TRPC4: variants seen among roughly 807,000 people sequenced by gnomAD.
The protein encoded by TRPC4 is transient receptor potential cation channel subfamily C member 4.
Under a neutral mutation model 99.4 loss-of-function variants are expected in TRPC4, and 49 were observed. The ratio of observed to expected loss-of-function variants is 0.49; its 90% CI spans 0.39 to 0.63. The LOEUF (loss-of-function observed/expected upper bound fraction) is 0.63. Ranked by LOEUF, TRPC4 falls within the 20% of genes least tolerant of loss-of-function variation. The pLI, the probability that TRPC4 is intolerant of heterozygous loss-of-function variation, is 0.00. For synonymous variants in TRPC4, 454 were observed against 425.9 expected, an observed-to-expected ratio of 1.07 and a Z score of -0.81; for missense variants, 898 against 1,152.9, an observed-to-expected ratio of 0.78 and a Z score of 3.20.
intron 1 of TRPC4, among the ~76,000 whole-genome samples, chr13:37,799,229 C>T (rs538051307): frequency 1.6e-4 from 25 of 152,232 alleles, no homozygotes; most frequent in East Asian, 1.2e-3. Context: ...CCACTGCGCC[C>T]GGCCTAAAGG....
intron 1 of TRPC4, among the ~76,000 whole-genome samples, chr13:37,805,468 C>T (rs1196623390): frequency 4.0e-5 from 6 of 151,730 alleles, no homozygotes; most frequent in Non-Finnish European, 1.5e-5. Flanking sequence ...TTTTCTTTTC[C>T]ATGATATAAG....
At chr13:37,854,060 A>G (rs1026127559) in intron 1 of TRPC4, among the ~76,000 whole-genome samples, 1 of 152,146 alleles carries the variant, frequency 6.6e-6, no homozygotes, top group Non-Finnish European at 1.5e-5. Context: ...GAAAGATATC[A>G]ACATTCAAGT....
intron 1 of TRPC4, among the ~76,000 whole-genome samples, chr13:37,837,418 C>T (rs1958596103): frequency 6.6e-6 from 1 of 152,232 alleles, no homozygotes; most frequent in African/African-American, 2.4e-5. Flanking sequence ...CCTGCAAAGG[C>T]TTGGCTGCCC....
chr13:37,701,794 C>A (rs1954109799), intron 3 of TRPC4, among the ~76,000 whole-genome samples: 1 of 152,146 alleles, frequency 6.6e-6, no homozygotes, highest in Non-Finnish European at 1.5e-5. Context: ...TATTTTCTGA[C>A]CCAAGGTACT....
intron 5 of TRPC4, among the ~76,000 whole-genome samples, chr13:37,670,596 T>C (rs9548009): frequency 0.037 from 5,701 of 152,320 alleles, 159 homozygotes; most frequent in Admixed American, 0.062. Context: ...TTCCAGATGT[T>C]ACTACCTAAA....
chr13:37,720,496 C>T (rs973268389), intron 3 of TRPC4, among the ~76,000 whole-genome samples: 1 of 151,940 alleles, frequency 6.6e-6, no homozygotes, highest in African/African-American at 2.4e-5. Flanking sequence ...ATCATTTTTT[C>T]TGCGTTCTGA....
chr13:37,705,646 CTT>C (rs1368646000), intron 3 of TRPC4, among the ~76,000 whole-genome samples: 1 of 152,070 alleles, frequency 6.6e-6, no homozygotes, highest in Non-Finnish European at 1.5e-5. Flanking sequence ...TCAAATCAGT[CTT>C]TGAGTTCCTC....
At chr13:37,695,680 G>T (rs374780918) in intron 3 of TRPC4, among the ~76,000 whole-genome samples, 18 of 152,278 alleles carry the variant, frequency 1.2e-4, no homozygotes, top group African/African-American at 4.3e-4. Context: ...CAATTTTAAA[G>T]ATGTCCCATC....
intron 1 of TRPC4, among the ~76,000 whole-genome samples, chr13:37,822,982 A>G: frequency 6.8e-6 from 1 of 148,070 alleles, no homozygotes; most frequent in African/African-American, 2.5e-5. Context: ...GTGAGATGGT[A>G]TCTCATTGTG....
chr13:37,774,719 A>T (rs1408622772), intron 2 of TRPC4, among the ~76,000 whole-genome samples: 1 of 151,602 alleles, frequency 6.6e-6, no homozygotes, highest in South Asian at 2.1e-4. Flanking sequence ...GAACATTTAA[A>T]ATTCTGCATT....
chr13:37,650,612 T>TAC lies in TRPC4; in HGVS notation c.2079+651_2079+652dup, dbSNP rs57068516. ...CTCTGTCTCTCTCTCTCTCTCTCTA[T>TAC]ACACACACACACACACACACACATA... On this transcript the variant is annotated intron_variant, in intron 8 of 10. Coordinates refer to ENST00000379705, the MANE Select transcript of TRPC4 (RefSeq NM_016179.4). 9.7e-4 allele frequency among the ~76,000 whole-genome samples: 137 copies of TAC among 140,538 alleles called. 1 individual carries two copies. The highest frequency in any genetic ancestry group is 2.7e-3 in the Admixed American group (37 of 13,622). 92.2% of individuals were successfully genotyped at this position (140,538 alleles called of 152,430 possible).
At chr13:37,708,220 T>TA (rs1954357988) in intron 3 of TRPC4, among the ~76,000 whole-genome samples, 1 of 152,118 alleles carries the variant, frequency 6.6e-6, no homozygotes. Flanking sequence ...GTAAAAGCTA[T>TA]AAGGAGATTT....
intron 5 of TRPC4, among the ~76,000 whole-genome samples, chr13:37,670,696 A>T (rs1952808790): frequency 6.6e-6 from 1 of 152,206 alleles, no homozygotes; most frequent in African/African-American, 2.4e-5. Flanking sequence ...CCCTGCATAA[A>T]TGACCTAAAT....
Position 37,663,921 on chromosome 13 carries a change from T to C in TRPC4, c.1375-192A>G, listed in dbSNP as rs1209004254. On this transcript the variant is annotated intron_variant, in intron 5 of 10. Coordinates refer to ENST00000379705, the MANE Select transcript of TRPC4 (RefSeq NM_016179.4). Reference sequence around the variant, plus strand: ...CAAATTACATATAAATGAGTAGAAGTAGTGGTCTGTTGCTATGGAAACAGA... The same window carrying C: ...CAAATTACATATAAATGAGTAGAAGCAGTGGTCTGTTGCTATGGAAACAGA... Among the ~76,000 whole-genome samples, 3 of 152,168 alleles carry C rather than the reference T, an allele frequency of 2.0e-5. No individual in the cohort carries two copies. The South Asian group carries it at 6.2e-4, about 32-fold the overall frequency.
intron 3 of TRPC4, among the ~76,000 whole-genome samples, chr13:37,707,042 A>G (rs1170738336): frequency 6.6e-6 from 1 of 152,172 alleles, no homozygotes; most frequent in East Asian, 1.9e-4. Flanking sequence ...AAAAAAGGAC[A>G]AGCCAATATT....
At chr13:37,785,791 G>A (rs964718900) in intron 1 of TRPC4, among the ~76,000 whole-genome samples, 6 of 152,066 alleles carry the variant, frequency 3.9e-5, no homozygotes, top group South Asian at 2.1e-4. Context: ...AGTACAGAAC[G>A]TCAGTGACAA....
chr13:37,768,358 G>A (rs952660674), intron 2 of TRPC4, among the ~76,000 whole-genome samples: 7 of 151,516 alleles, frequency 4.6e-5, no homozygotes, highest in Admixed American at 2.0e-4. Flanking sequence ...AAAGACACGC[G>A]GAGAGCCATG....
At chr13:37,698,740 C>T (rs1954004257) in intron 3 of TRPC4, among the ~76,000 whole-genome samples, 1 of 152,070 alleles carries the variant, frequency 6.6e-6, no homozygotes, top group South Asian at 2.1e-4. Flanking sequence ...AGTGGAAAAG[C>T]CGAACACAGT....
intron 8 of TRPC4, among the ~76,000 whole-genome samples, chr13:37,642,779 A>C (rs1951762745): frequency 6.9e-6 from 1 of 144,196 alleles, no homozygotes; most frequent in Non-Finnish European, 1.5e-5. Context: ...CTCTGTCACC[A>C]GTGTGGAGTG....
Sources: allele counts gnomAD v4.1 joint callset (sites outside exome capture counted in the v4.1 genomes callset), GRCh38; gene constraint gnomAD v4.1.1; transcripts MANE v1.5; gene names NCBI Gene and HGNC (gene_info 2026-07-23, HGNC 2026-07-21).